The following MDGA2 variants were observed in gnomAD, a reference collection of about 807,000 sequenced individuals.
MDGA2 encodes the protein MAM domain containing glycosylphosphatidylinositol anchor 2, also known as MAM domain-containing glycosylphosphatidylinositol anchor protein 2.
Under a neutral mutation model 117.8 loss-of-function variants are expected in MDGA2, and 40 were observed. The ratio of observed to expected loss-of-function variants is 0.34; its 90% CI spans 0.26 to 0.44. MDGA2 has a LOEUF of 0.44. Among genes scored for constraint, MDGA2 ranks in the 20% least tolerant of loss-of-function variants. The pLI is 1.00. For synonymous variants in MDGA2, 452 were observed against 439.0 expected, an observed-to-expected ratio of 1.03 and a Z score of -0.37; for missense variants, 1,123 against 1,250.6, an observed-to-expected ratio of 0.90 and a Z score of 1.54.
At chr14:47,317,872 G>A (rs557450587) in intron 1 of MDGA2, among the ~76,000 whole-genome samples, 1 of 152,148 alleles carries the variant, frequency 6.6e-6, no homozygotes, top group African/African-American at 2.4e-5. Context: ...CTACTTGACA[G>A]TTTCTCTTGA....
intron 11 of MDGA2, among the ~76,000 whole-genome samples, chr14:46,880,759 G>A (rs1257850160): frequency 3.5e-5 from 5 of 142,230 alleles, no homozygotes; most frequent in African/African-American, 1.1e-4. Context: ...CCAAGATTGC[G>A]GCATTGCACT....
rs75593239 is a variant in MDGA2, at chr14:47,155,606, T to C, written c.596-11332A>G. Among the ~76,000 whole-genome samples, 193 of 152,192 alleles carry C rather than the reference T, an allele frequency of 1.3e-3. 1 individual carries two copies. The highest frequency in any genetic ancestry group is 4.3e-3 in the African/African-American group (177 of 41,560). On this transcript the variant is annotated intron_variant, in intron 3 of 16. Coordinates refer to ENST00000399232, the MANE Select transcript of MDGA2 (RefSeq NM_001113498.3). ...GTTGCCCACCCCGCTACAGCTGGCA[T>C]GTCTGGCTGTACACAGTGGCCAGAC...
chr14:47,422,033 C>A (rs1892590875), intron 1 of MDGA2, among the ~76,000 whole-genome samples: 2 of 151,908 alleles, frequency 1.3e-5, no homozygotes, highest in African/African-American at 4.8e-5. Flanking sequence ...TAAAAAGACA[C>A]TTTTATAAAA....
At chr14:47,009,116 A>G (rs1394716297) in intron 8 of MDGA2, among the ~76,000 whole-genome samples, 1 of 152,042 alleles carries the variant, frequency 6.6e-6, no homozygotes, top group East Asian at 1.9e-4. Context: ...TCGATAGATA[A>G]ATAAAATGGT....
At chr14:47,607,989 T>C (rs1896772062) in intron 1 of MDGA2, among the ~76,000 whole-genome samples, 1 of 152,080 alleles carries the variant, frequency 6.6e-6, no homozygotes, top group Non-Finnish European at 1.5e-5. Context: ...TGTTTTTTCC[T>C]AATAATAAAA....
At position 47,133,948 on chromosome 14, in the gene MDGA2, A is replaced by C. The variant is rs368456604; in HGVS notation, c.793-2102T>G. On this transcript the variant is annotated intron_variant, in intron 4 of 16. Coordinates refer to ENST00000399232, the MANE Select transcript of MDGA2 (RefSeq NM_001113498.3). ...TAGCTTAAGAATGCAAGCAAGCCAC[A>C]ATGATTTACACTTTAACCAATATTT... Among the ~76,000 whole-genome samples, 52 of 152,158 alleles carry C rather than the reference A, an allele frequency of 3.4e-4. No homozygotes were observed. The East Asian group carries it at 5.0e-3, about 15-fold the overall frequency.
chr14:47,579,629 G>A (rs771836357), intron 1 of MDGA2, among the ~76,000 whole-genome samples: 12 of 151,992 alleles, frequency 7.9e-5, no homozygotes, highest in Non-Finnish European at 1.6e-4. Flanking sequence ...GGACTGATAT[G>A]ATAATTTAAA....
intron 3 of MDGA2, among the ~76,000 whole-genome samples, chr14:47,182,380 A>G (rs1884744026): frequency 6.6e-6 from 1 of 152,098 alleles, no homozygotes; most frequent in Non-Finnish European, 1.5e-5. Context: ...TTAAGGATGT[A>G]ATTAAAGTTA....
At chr14:47,332,555 T>TA (rs3039504) in intron 1 of MDGA2, among the ~76,000 whole-genome samples, 1 of 151,798 alleles carries the variant, frequency 6.6e-6, no homozygotes, top group East Asian at 1.9e-4. Context: ...GTAAAGCACT[T>TA]AAAAAAAATT....
At chr14:47,647,729 AAT>A (rs1897563144) in intron 1 of MDGA2, among the ~76,000 whole-genome samples, 1 of 151,636 alleles carries the variant, frequency 6.6e-6, no homozygotes, top group Admixed American at 6.6e-5. Context: ...TTATGTCCAA[AAT>A]ATATGTGTTT....
chr14:47,118,483 A>C (rs1053536600), intron 5 of MDGA2, among the ~76,000 whole-genome samples: 3 of 152,234 alleles, frequency 2.0e-5, no homozygotes, highest in East Asian at 3.8e-4. Flanking sequence ...GAAGCTACTG[A>C]AAATACAGCT....
At chr14:47,318,114 A>G (rs937240122) in intron 1 of MDGA2, among the ~76,000 whole-genome samples, 1 of 152,106 alleles carries the variant, frequency 6.6e-6, no homozygotes, top group Non-Finnish European at 1.5e-5. Flanking sequence ...ACCACTGCAA[A>G]AGCAGTCTGA....
intron 1 of MDGA2, among the ~76,000 whole-genome samples, chr14:47,656,063 C>T (rs747731261): frequency 5.3e-5 from 8 of 152,168 alleles, no homozygotes; most frequent in Non-Finnish European, 8.8e-5. Flanking sequence ...TTATGGCATA[C>T]TACTGGGAAC....
chr14:47,165,130 T>G (rs1883814848), intron 3 of MDGA2, among the ~76,000 whole-genome samples: 1 of 152,058 alleles, frequency 6.6e-6, no homozygotes. Flanking sequence ...AGGGATAGCA[T>G]TAGGAGATAT....
chr14:47,561,158 G>GGTTTTTTTTTTTTTTT (rs1566515949), intron 1 of MDGA2, among the ~76,000 whole-genome samples: 4 of 55,098 alleles, frequency 7.3e-5, no homozygotes, highest in Non-Finnish European at 1.3e-4. Flanking sequence ...TTTTTGTTTT[G>GGTTTTTTTTTTTTTTT]TTTTGTTTTT....
At position 47,097,087 on chromosome 14, in the gene MDGA2, A is replaced by G; in HGVS notation, c.962T>C (p.Ile321Thr). Residue 321 changes from isoleucine to threonine, a missense_variant, in exon 6 of 17, where the codon ATA (isoleucine) becomes ACA (threonine). Physicochemically the swap from Ile to Thr is moderately conservative, Grantham distance 89. Transcript: ENST00000399232. ...TATGGCCTCTCCAGGATTTACAACT[A>G]TAGGATCATCCACCAAGAGTTTAAT... is the stretch of plus-strand genomic sequence containing the variant. ...PSIKLLVDDP[I>T]VVNPGEAITL... 2 of 1,613,182 alleles carry G rather than the reference A, an allele frequency of 1.2e-6. No homozygotes were observed. The highest frequency in any genetic ancestry group is 1.3e-5 in the African/African-American group (1 of 75,002).
At chr14:46,848,955 C>A (rs1880951357) in intron 15 of MDGA2, among the ~76,000 whole-genome samples, 1 of 151,898 alleles carries the variant, frequency 6.6e-6, no homozygotes, top group Admixed American at 6.6e-5. Flanking sequence ...TGAAGTGGTA[C>A]AGTAAAAAAA....
At chr14:47,295,663 G>A (rs1311929949) in intron 2 of MDGA2, among the ~76,000 whole-genome samples, 1 of 152,086 alleles carries the variant, frequency 6.6e-6, no homozygotes, top group Non-Finnish European at 1.5e-5. Context: ...TAGCACTTTG[G>A]GAGGCTGAGG....
Position 46,965,073 on chromosome 14 carries a change from G to A in MDGA2, c.1820-7430C>T, listed in dbSNP as rs866781084. 2.8e-4 allele frequency among the ~76,000 whole-genome samples: 40 copies of A among 140,586 alleles called. 8 individuals are homozygous for A. The highest frequency in any genetic ancestry group is 1.1e-3 in the African/African-American group (36 of 33,984). The allele number at this position is 140,586 out of a possible 152,430, so 92.2% of individuals were successfully genotyped here. ...CGAGCAGCTGGGACTACAGGCGCCC[G>A]CCACCACGCCCGGCTAATTTTTTGC... On this transcript the variant is annotated intron_variant, in intron 8 of 16. Coordinates refer to ENST00000399232, the MANE Select transcript of MDGA2 (RefSeq NM_001113498.3).
Sources: gnomAD v4.1 joint callset for allele counts (sites outside exome capture counted in the v4.1 genomes callset) on GRCh38, gnomAD v4.1.1 for gene constraint, MANE v1.5 for transcripts, NCBI Gene and HGNC (gene_info 2026-07-23, HGNC 2026-07-21) for gene names.